The following UBASH3A variants were observed in gnomAD, a reference collection of about 807,000 sequenced individuals.
UBASH3A encodes the protein ubiquitin-associated and SH3 domain-containing protein A.
Under a neutral mutation model 73.5 loss-of-function variants are expected in UBASH3A, and 63 were observed. That is an observed-to-expected ratio of 0.86 (90% CI 0.70 to 1.06). The LOEUF (loss-of-function observed/expected upper bound fraction) is 1.06. Among genes scored for constraint, UBASH3A ranks in the 50% least tolerant of loss-of-function variants. UBASH3A has a pLI of 0.00. For synonymous variants in UBASH3A, 363 were observed against 351.1 expected, an observed-to-expected ratio of 1.03 and a Z score of -0.38; for missense variants, 860 against 859.0, an observed-to-expected ratio of 1.00 and a Z score of -0.02.
intron 3 of UBASH3A, chr21:42,410,247 A>C: frequency 4.3e-6 from 3 of 690,476 alleles, no homozygotes; most frequent in Admixed American, 4.1e-5. Context: ...AGGAGAAAAG[A>C]AGGAGAAGGG....
At chr21:42,431,682 A>G (rs957899120) in intron 8 of UBASH3A, among the ~76,000 whole-genome samples, 3 of 152,254 alleles carry the variant, frequency 2.0e-5, no homozygotes, top group African/African-American at 7.2e-5. Context: ...AGGGTTTCTC[A>G]GAAGAAGTGT....
rs758487472 is a variant in UBASH3A at position 42,437,531 on chromosome 21, T to C, written c.1437T>C (p.Phe479=). Residue 479 remains phenylalanine (F), a synonymous_variant, in exon 11 of 15, where the codon TTT becomes TTC. Coordinates refer to ENST00000319294, the MANE Select transcript of UBASH3A (RefSeq NM_018961.4). ...LDSGIRISSV[F]ASPALRCVQT... ...GTGGTATCAGAATCAGCTCTGTGTT[T>C]GCCTCCCCAGCCCTCCGCTGTGTGC... 10 of 1,614,144 alleles carry C rather than the reference T, an allele frequency of 6.2e-6. No individual in the cohort carries two copies. Among genetic ancestry groups the C allele is most frequent in the Non-Finnish European group, 8.5e-6 (10 of 1,180,046 alleles).
chr21:42,424,557 AC>A (rs2053401702), intron 7 of UBASH3A, among the ~76,000 whole-genome samples: 2 of 152,130 alleles, frequency 1.3e-5, no homozygotes, highest in Non-Finnish European at 1.5e-5. Context: ...TGTGGGACAA[AC>A]AACAGGGGGG....
chr21:42,435,097 A>C, intron 10 of UBASH3A, 143 bp downstream of exon 10: 1 of 1,103,062 alleles, frequency 9.1e-7, no homozygotes, highest in Non-Finnish European at 1.3e-6. Context: ...AGGCTGGGGC[A>C]CAGAGAGGTT....
chr21:42,427,253 G>A (rs2053454098), intron 8 of UBASH3A, among the ~76,000 whole-genome samples: 1 of 152,170 alleles, frequency 6.6e-6, no homozygotes, highest in South Asian at 2.1e-4. Context: ...CCACCCTCAT[G>A]GGGCACATCC....
chr21:42,409,346 T>C lies in UBASH3A; in HGVS notation c.168-76T>C, dbSNP rs549942833. On this transcript the variant is annotated intron_variant, in intron 2 of 14. Transcript: ENST00000319294. ...TAATTCTGCATTGCTGTCATTGTCATTCTGTTGTGTATCCTCAAAGGGGAA... is the reference window on the plus strand; with the variant it reads ...TAATTCTGCATTGCTGTCATTGTCACTCTGTTGTGTATCCTCAAAGGGGAA... 7.0e-6 allele frequency: 10 copies of C among 1,422,472 alleles called. 1 individual carries two copies. In the South Asian group the frequency reaches 9.8e-5, roughly 14 times the overall value. The allele number at this position is 1,422,472 out of a possible 1,614,324, so 88.1% of individuals were successfully genotyped here.
chr21:42,406,475 TG>T (rs2052979209), intron 2 of UBASH3A, 114 bp downstream of exon 2: 2 of 844,508 alleles, frequency 2.4e-6, no homozygotes, highest in South Asian at 2.8e-5. Context: ...CTGGGTGGGA[TG>T]GGGCCACTGC....
rs1315992835 is a variant in UBASH3A, at chr21:42,413,711, G to T, written c.667+188G>T. 6.6e-6 allele frequency among the ~76,000 whole-genome samples: 1 copy of T among 152,180 alleles called. No individual in the cohort carries two copies. The highest frequency in any genetic ancestry group is 1.9e-4 in the East Asian group (1 of 5,198). The stretch of plus-strand genomic sequence containing the variant: ...ACGGGGTTGGAGGCTGGTGCACACA[G>T]GGAGTCAGGGCCTCCCCACCCCAGC... On this transcript the variant is annotated intron_variant, in intron 5 of 14. Coordinates refer to ENST00000319294, the MANE Select transcript of UBASH3A (RefSeq NM_018961.4). This position sits in a 1 kb window ranked among gnomAD's most constrained non-coding sequence, Gnocchi z 4.5.
At chr21:42,405,982 G>T (rs1411487736) in intron 1 of UBASH3A, among the ~76,000 whole-genome samples, 2 of 101,530 alleles carry the variant, frequency 2.0e-5, no homozygotes, top group Admixed American at 1.1e-4. Context: ...GATCTAGGCA[G>T]TGGGGGGGGG....
chr21:42,404,073 G>C lies in UBASH3A; in HGVS notation c.113+15G>C. The C allele has an allele frequency of 7.0e-7, 1 of 1,422,692 alleles. No individual in the cohort carries two copies. The highest frequency in any genetic ancestry group is 9.4e-7 in the Non-Finnish European group (1 of 1,068,208). The allele number at this position is 1,422,692 out of a possible 1,614,324, so 88.1% of individuals were successfully genotyped here. ...GTGCACACCGCGTGAGTACTGCCCA[G>C]AGACCCCGGGGCCCAGCCAGTAAGG... On this transcript the variant is annotated intron_variant, in intron 1 of 14. Transcript: ENST00000319294.
rs974436429 is a variant in UBASH3A at position 42,417,809 on chromosome 21, C to CA, written c.838-586dup. 4.8e-5 allele frequency among the ~76,000 whole-genome samples: 7 copies of CA among 145,166 alleles called. No homozygotes were observed. In the East Asian group the frequency reaches 1.2e-3, roughly 25 times the overall value. ...CTTATGCCTTCAGATCTTTTGTAGACAAAAAAGTACCTAGATGGATGGATG... is the reference window on the plus strand; with the variant it reads ...CTTATGCCTTCAGATCTTTTGTAGACAAAAAAAGTACCTAGATGGATGGATG... On this transcript the variant is annotated intron_variant, in intron 6 of 14. Coordinates refer to ENST00000319294, the MANE Select transcript of UBASH3A (RefSeq NM_018961.4).
Position 42,444,627 on chromosome 21 carries a change from C to T in UBASH3A, c.1832C>T (p.Ala611Val). ...GLPPRECGDF[A>V]QLVRKIPSLG... is the part of the protein sequence containing the mutation. ...CCGCCCCGGGAATGTGGGGATTTTGCCCAACTCGTGAGAAAGGTACGCGCC... is the reference window on the plus strand; with the variant it reads ...CCGCCCCGGGAATGTGGGGATTTTGTCCAACTCGTGAGAAAGGTACGCGCC... Residue 611 changes from alanine (A) to valine (V), a missense_variant, in exon 14 of 15, where the codon GCC (alanine) becomes GTC (valine). Coordinates refer to ENST00000319294, the MANE Select transcript of UBASH3A (RefSeq NM_018961.4). The T allele has an allele frequency of 6.2e-7, 1 of 1,614,008 alleles. No individual in the cohort carries two copies. Among genetic ancestry groups the T allele is most frequent in the Non-Finnish European group, 8.5e-7 (1 of 1,179,844 alleles).
chr21:42,426,267 T>C (rs2053432610), intron 7 of UBASH3A, among the ~76,000 whole-genome samples: 1 of 152,194 alleles, frequency 6.6e-6, no homozygotes, highest in Admixed American at 6.5e-5. Context: ...GCTTTAAATG[T>C]TTTTAATAAG....
chr21:42,420,620 G>A (rs980105632), intron 7 of UBASH3A, among the ~76,000 whole-genome samples: 13 of 152,178 alleles, frequency 8.5e-5, no homozygotes, highest in African/African-American at 3.1e-4. Context: ...AGACAGGCAG[G>A]AAGGGAGGAG....
At chr21:42,443,281 G>A in intron 12 of UBASH3A, 31 bp from the exon 13 acceptor site, 1 of 1,601,256 alleles carries the variant, frequency 6.2e-7, no homozygotes, top group Non-Finnish European at 8.5e-7. Context: ...GAAAGTGCCA[G>A]GGCAGCAGCC....
intron 14 of UBASH3A, among the ~76,000 whole-genome samples, chr21:42,446,063 C>T (rs190363131): frequency 1.3e-5 from 2 of 152,300 alleles, no homozygotes; most frequent in East Asian, 1.9e-4. Flanking sequence ...TGGGGGCCCA[C>T]GTAACCAAGG....
At chr21:42,444,089 A>C (rs970010107) in intron 13 of UBASH3A, among the ~76,000 whole-genome samples, 5 of 152,240 alleles carry the variant, frequency 3.3e-5, no homozygotes, top group African/African-American at 4.8e-5. Context: ...GGCAGGGACA[A>C]GCGTGTCTCC....
At chr21:42,417,948 TCTG>T (rs1486971420) in intron 6 of UBASH3A, among the ~76,000 whole-genome samples, 1 of 143,416 alleles carries the variant, frequency 7.0e-6, no homozygotes, top group Non-Finnish European at 1.5e-5. Context: ...AGTGGAGTGA[TCTG>T]CGCCCACTTC....
chr21:42,439,951 G>C (rs113385330), intron 11 of UBASH3A, among the ~76,000 whole-genome samples: 1,635 of 84,062 alleles, frequency 0.019, 44 homozygotes, highest in African/African-American at 0.069. Flanking sequence ...CCACACACAC[G>C]ACACACACCA....
Sources: gnomAD v4.1 joint callset for allele counts (sites outside exome capture counted in the v4.1 genomes callset) on GRCh38, gnomAD v4.1.1 for gene constraint, Gnocchi (gnomAD v3.1) non-coding constraint, MANE v1.5 for transcripts, NCBI Gene and HGNC (gene_info 2026-07-23, HGNC 2026-07-21) for gene names.